MAP4K3: variants seen among roughly 807,000 people sequenced by gnomAD.
MAP4K3 encodes mitogen-activated protein kinase kinase kinase kinase 3.
In MAP4K3, 94 loss-of-function variants were observed where a neutral mutation model predicts 143.5. The ratio of observed to expected loss-of-function variants is 0.65; its 90% CI spans 0.55 to 0.78. The LOEUF is 0.78. Among genes scored for constraint, MAP4K3 ranks in the 30% least tolerant of loss-of-function variants. MAP4K3 has a pLI of 0.00. For missense variants in MAP4K3, 1,077 were observed against 1,068.1 expected, an observed-to-expected ratio of 1.01 and a Z score of -0.12; for synonymous variants, 416 against 347.2, an observed-to-expected ratio of 1.20 and a Z score of -2.20.
In MAP4K3 at chr2:39,260,646, C is replaced by T. The variant is rs185367346; in HGVS notation, c.2268G>A (p.Thr756=). 5.3e-5 allele frequency: 85 copies of T among 1,613,928 alleles called. No homozygotes were observed. The Admixed American group carries it at 7.0e-4, about 13-fold the overall frequency. The stretch of plus-strand genomic sequence containing the variant: ...ATGAAGAGGTAGAATTTGGATTGAC[C>T]GTCTCAAATCGAACCACTTGGTTGA... ...RDFNQVVRFE[T]VNPNSTSSWF... is the part of the protein sequence containing the mutation. Residue 756 remains threonine (T), a synonymous_variant, in exon 29 of 34, where the codon ACG becomes ACA. Transcript: ENST00000263881.
chr2:39,330,604 GA>G (rs1395012360), intron 8 of MAP4K3, among the ~76,000 whole-genome samples: 1 of 151,904 alleles, frequency 6.6e-6, no homozygotes, highest in East Asian at 1.9e-4. Flanking sequence ...GAACAGGAGG[GA>G]AAATGACTCC....
intron 1 of MAP4K3, among the ~76,000 whole-genome samples, chr2:39,434,173 C>T (rs567485380): frequency 7.2e-5 from 11 of 152,078 alleles, no homozygotes; most frequent in Admixed American, 1.3e-4. Context: ...ATTTTTAGCA[C>T]GTAAATGCTG....
intron 26 of MAP4K3, 78 bp downstream of exon 26, chr2:39,272,205 C>T: frequency 9.2e-7 from 1 of 1,086,888 alleles, no homozygotes; most frequent in Non-Finnish European, 1.4e-6. Flanking sequence ...AAACTGAGTG[C>T]TCTTTCACTT....
chr2:39,280,339 T>C lies in MAP4K3; in HGVS notation c.1647A>G (p.Ser549=). 2.5e-6 allele frequency: 4 copies of C among 1,604,148 alleles called. No individual in the cohort carries two copies. Among genetic ancestry groups the C allele is most frequent in the Non-Finnish European group, 3.4e-6 (4 of 1,173,732 alleles). Reference sequence around the variant, plus strand: ...TCAAGGGACACCCATTAAAAACTTTTGAAAAACATGCACCCATCTAGGGAA... The same window carrying C: ...TCAAGGGACACCCATTAAAAACTTTCGAAAAACATGCACCCATCTAGGGAA... The part of the protein sequence containing the change: ...TPKVHMGACF[S]KVFNGCPLKI... Residue 549 remains serine, a synonymous_variant, in exon 23 of 34, where the codon TCA becomes TCG. Transcript: ENST00000263881.
At chr2:39,321,000 T>C (rs1683283126) in intron 12 of MAP4K3, among the ~76,000 whole-genome samples, 1 of 152,188 alleles carries the variant, frequency 6.6e-6, no homozygotes, top group South Asian at 2.1e-4. Flanking sequence ...AAGACTGAAA[T>C]ATTAAATACT....
intron 1 of MAP4K3, among the ~76,000 whole-genome samples, chr2:39,413,902 A>G (rs1179390711): frequency 6.6e-6 from 1 of 152,138 alleles, no homozygotes; most frequent in African/African-American, 2.4e-5. Flanking sequence ...ATATATTCCG[A>G]AAGTACATTA....
intron 24 of MAP4K3, among the ~76,000 whole-genome samples, chr2:39,277,312 T>C (rs1681304647): frequency 6.6e-6 from 1 of 152,212 alleles, no homozygotes; most frequent in Non-Finnish European, 1.5e-5. Flanking sequence ...GCTTATCCTG[T>C]CTGTGTGACA....
At chr2:39,314,579 T>C (rs774710873) in intron 13 of MAP4K3, among the ~76,000 whole-genome samples, 5 of 152,174 alleles carry the variant, frequency 3.3e-5, no homozygotes, top group Admixed American at 6.5e-5. Flanking sequence ...TAACCCACCA[T>C]ACTTTCCAGG....
rs1285158564 is a variant in MAP4K3, at chr2:39,257,796, C to CAA, written c.2470+550_2470+551dup. Among the ~76,000 whole-genome samples, 115 of 59,614 alleles carry CAA rather than the reference C, an allele frequency of 1.9e-3. 1 individual carries two copies. Among genetic ancestry groups the CAA allele is most frequent in the Middle Eastern group, 0.011 (1 of 94 alleles). 39.1% of individuals were successfully genotyped at this position (59,614 alleles called of 152,430 possible). ...CCTGGGTGGCAGAGACACTCCATCT[C>CAA]AAAAAAAAAAAAAAAAAAGAAATGA... On this transcript the variant is annotated intron_variant, in intron 31 of 33. Coordinates refer to ENST00000263881, the MANE Select transcript of MAP4K3 (RefSeq NM_003618.4).
chr2:39,318,289 T>C (rs1176967164), intron 12 of MAP4K3, among the ~76,000 whole-genome samples: 2 of 152,096 alleles, frequency 1.3e-5, no homozygotes, highest in African/African-American at 4.8e-5. Flanking sequence ...TATTGGGTAC[T>C]AGGCTTATGA....
intron 1 of MAP4K3, among the ~76,000 whole-genome samples, chr2:39,435,230 C>T (rs941670415): frequency 2.0e-5 from 3 of 152,160 alleles, no homozygotes; most frequent in African/African-American, 4.8e-5. Flanking sequence ...CTGCTCCATT[C>T]CACTCTTCAT....
At chr2:39,322,934 T>G (rs1447853659) in intron 12 of MAP4K3, among the ~76,000 whole-genome samples, 2 of 152,154 alleles carry the variant, frequency 1.3e-5, no homozygotes, top group African/African-American at 2.4e-5. Flanking sequence ...TCTTCCAGAG[T>G]GCTGGGATTA....
chr2:39,366,910 T>C (rs895864946), intron 2 of MAP4K3, among the ~76,000 whole-genome samples: 3 of 152,212 alleles, frequency 2.0e-5, no homozygotes, highest in Non-Finnish European at 4.4e-5. Flanking sequence ...CTTTGAATTT[T>C]TGAAGAAATA....
At chr2:39,381,088 C>G (rs1666345190) in intron 1 of MAP4K3, among the ~76,000 whole-genome samples, 1 of 152,152 alleles carries the variant, frequency 6.6e-6, no homozygotes, top group African/African-American at 2.4e-5. Context: ...CTTTGTGACT[C>G]TGGTTTCTTG....
At chr2:39,328,461 C>A (rs976725518) in intron 8 of MAP4K3, among the ~76,000 whole-genome samples, 20 of 152,110 alleles carry the variant, frequency 1.3e-4, no homozygotes, top group Non-Finnish European at 1.5e-5. Flanking sequence ...TGGCAGAAAA[C>A]TGGGAAGGCT....
intron 1 of MAP4K3, among the ~76,000 whole-genome samples, chr2:39,433,309 G>T (rs905745179): frequency 2.0e-5 from 3 of 152,158 alleles, no homozygotes; most frequent in Non-Finnish European, 4.4e-5. Flanking sequence ...TACTTCCTCA[G>T]AAACCATATT....
At chr2:39,282,658 C>A in intron 21 of MAP4K3, 104 bp from the exon 22 acceptor site, 1 of 759,228 alleles carries the variant, frequency 1.3e-6, no homozygotes, top group Non-Finnish European at 2.2e-6. Context: ...TGAATACATT[C>A]TTTGTAAAAC....
At chr2:39,351,606 TTTAAG>T (rs1160231061) in intron 3 of MAP4K3, among the ~76,000 whole-genome samples, 7 of 152,220 alleles carry the variant, frequency 4.6e-5, no homozygotes, top group Non-Finnish European at 1.0e-4. Flanking sequence ...GATTTACTTA[TTTAAG>T]TTGTTATGAG....
chr2:39,308,997 T>C (rs1269230946), intron 14 of MAP4K3, among the ~76,000 whole-genome samples: 2 of 152,176 alleles, frequency 1.3e-5, no homozygotes, highest in African/African-American at 4.8e-5. Flanking sequence ...TAAAAACATT[T>C]AATCACAGAA....
Sources: allele counts gnomAD v4.1 joint callset (sites outside exome capture counted in the v4.1 genomes callset), GRCh38; gene constraint gnomAD v4.1.1; transcripts MANE v1.5; gene names NCBI Gene and HGNC (gene_info 2026-07-23, HGNC 2026-07-21).